The following LEF1 variants were observed in gnomAD, a reference collection of about 807,000 sequenced individuals.
The protein encoded by LEF1 is lymphoid enhancer binding factor 1.
In LEF1, 14 loss-of-function variants were observed where a neutral mutation model predicts 51.2. That is an observed-to-expected ratio of 0.27 (90% CI 0.18 to 0.43). LEF1 has a LOEUF of 0.43. Ranked by LOEUF, LEF1 falls within the 20% of genes least tolerant of loss-of-function variation. LEF1 has a pLI of 1.00. For missense variants in LEF1, 386 were observed against 512.0 expected (o/e 0.75, Z 2.37); for synonymous variants, 185 against 183.2 (o/e 1.01, Z -0.08).
At chr4:108,155,807 C>T (rs1168678035) in intron 3 of LEF1, among the ~76,000 whole-genome samples, 1 of 152,222 alleles carries the variant, frequency 6.6e-6, no homozygotes, top group Non-Finnish European at 1.5e-5. Flanking sequence ...AACATCTAGC[C>T]TAGTCCTTCC....
rs771653645 is a variant in LEF1, at chr4:108,097,910, G to A, written c.415-8653C>T. ...GGTAAACAAATCAATTAAAGTGAGT[G>A]AGAAGTCAGGAGCAAAAGCTTTCTC... On this transcript the variant is annotated intron_variant, in intron 3 of 11. Coordinates refer to ENST00000265165, the MANE Select transcript of LEF1 (RefSeq NM_016269.5). Among the ~76,000 whole-genome samples the A allele has an allele frequency of 3.9e-5, 6 of 152,130 alleles. No individual in the cohort carries two copies. In the East Asian group the frequency reaches 7.7e-4, roughly 20 times the overall value.
rs146486921 is a variant in LEF1, at chr4:108,134,592, G to A, written c.414+28976C>T. 1.2e-3 allele frequency among the ~76,000 whole-genome samples: 182 copies of A among 152,302 alleles called. 3 individuals carry two copies. The East Asian group carries it at 0.033, about 28-fold the overall frequency. On this transcript the variant is annotated intron_variant, in intron 3 of 11. Coordinates refer to ENST00000265165, the MANE Select transcript of LEF1 (RefSeq NM_016269.5). ...AAATACATCAAGACATACAGATGAA[G>A]GATTAAACTCTTATCAATGTGATTC...
chr4:108,096,188 G>T (rs755083905), intron 3 of LEF1, among the ~76,000 whole-genome samples: 1 of 152,088 alleles, frequency 6.6e-6, no homozygotes, highest in African/African-American at 2.4e-5. Context: ...TAGAGGGATG[G>T]GGCATAAGTA....
intron 11 of LEF1, among the ~76,000 whole-genome samples, chr4:108,057,977 G>T (rs899424435): frequency 4.0e-5 from 6 of 151,628 alleles, no homozygotes; most frequent in African/African-American, 1.5e-4. Context: ...AGGTTCAAGT[G>T]ATTCTCCGGC....
chr4:108,132,549 T>C (rs923069001), intron 3 of LEF1, among the ~76,000 whole-genome samples: 2 of 152,094 alleles, frequency 1.3e-5, no homozygotes, highest in Non-Finnish European at 2.9e-5. Flanking sequence ...TATTGTTTAC[T>C]GAACTAGCCT....
At chr4:108,153,000 G>A (rs546412819) in intron 3 of LEF1, among the ~76,000 whole-genome samples, 3 of 152,302 alleles carry the variant, frequency 2.0e-5, no homozygotes, top group Middle Eastern at 6.8e-3. Flanking sequence ...TAGTCTCACT[G>A]ACTGCAAGTC....
At chr4:108,095,553 G>A (rs1322171203) in intron 3 of LEF1, among the ~76,000 whole-genome samples, 1 of 152,140 alleles carries the variant, frequency 6.6e-6, no homozygotes, top group Admixed American at 6.5e-5. Context: ...GTGGCCTGCT[G>A]TGGCCTCAAC....
Position 108,078,214 on chromosome 4 carries a change from A to G in LEF1, c.1008+6T>C, listed in dbSNP as rs2126285422. 1.2e-6 allele frequency: 2 copies of G among 1,613,746 alleles called. No homozygotes were observed. The highest frequency in any genetic ancestry group is 2.2e-5 in the East Asian group (1 of 44,878). On this transcript the variant is annotated splice_donor_region_variant and intron_variant, in intron 8 of 11. Transcript: ENST00000265165. Reference sequence around the variant, plus strand: ...ATGAACATTTACACATGACTCGGCTACTTACCCTTCTGCCAAGAATCTGGT... The same window carrying G: ...ATGAACATTTACACATGACTCGGCTGCTTACCCTTCTGCCAAGAATCTGGT...
chr4:108,162,051 C>T (rs1745093222), intron 3 of LEF1, among the ~76,000 whole-genome samples: 1 of 152,140 alleles, frequency 6.6e-6, no homozygotes, highest in Non-Finnish European at 1.5e-5. Context: ...AAAACTCAAG[C>T]ATTTATTTGA....
chr4:108,086,146 C>A (rs1739630725), intron 4 of LEF1, among the ~76,000 whole-genome samples: 1 of 152,182 alleles, frequency 6.6e-6, no homozygotes, highest in Non-Finnish European at 1.5e-5. Flanking sequence ...AGGTCACTGT[C>A]CTTTAAAAAT....
chr4:108,051,235 C>T (rs1333520357), intron 11 of LEF1, among the ~76,000 whole-genome samples: 1 of 151,796 alleles, frequency 6.6e-6, no homozygotes, highest in Admixed American at 6.6e-5. Flanking sequence ...CAAAAAGCAA[C>T]TAATCCCTTT....
intron 3 of LEF1, among the ~76,000 whole-genome samples, chr4:108,159,236 T>C (rs1744918541): frequency 6.6e-6 from 1 of 152,148 alleles, no homozygotes; most frequent in Non-Finnish European, 1.5e-5. Flanking sequence ...ATTGTAGCAA[T>C]GCCATGAAGG....
chr4:108,168,115 C>G lies in LEF1; in HGVS notation c.-348G>C, dbSNP rs1321044918. The G allele has an allele frequency of 6.5e-6, 1 of 152,906 alleles. No individual in the cohort carries two copies. Among genetic ancestry groups the G allele is most frequent in the Non-Finnish European group, 1.5e-5 (1 of 68,536 alleles). The allele number at this position is 152,906 out of a possible 1,614,324, so 9.5% of individuals were successfully genotyped here. On this transcript the variant is annotated 5_prime_UTR_variant, in exon 1 of 12. Coordinates refer to ENST00000265165, the MANE Select transcript of LEF1 (RefSeq NM_016269.5). The surrounding 1 kb of genome is among the most constrained non-coding windows in gnomAD (Gnocchi z 4.6). ...GACGAGGCTGCCCCGGCGGCCACCC[C>G]GCGACCCCGCGTCGCCGGGATTTGC...
At chr4:108,107,075 TAA>T (rs1357883377) in intron 3 of LEF1, among the ~76,000 whole-genome samples, 1 of 152,136 alleles carries the variant, frequency 6.6e-6, no homozygotes, top group Non-Finnish European at 1.5e-5. Context: ...CCTCTTAAGA[TAA>T]AAAGACTCAT....
At chr4:108,075,923 TTC>T (rs1038422224) in intron 8 of LEF1, among the ~76,000 whole-genome samples, 132 of 152,366 alleles carry the variant, frequency 8.7e-4, no homozygotes, top group African/African-American at 2.9e-3. Context: ...ATATACATTC[TTC>T]CATGTAAAGC....
Position 108,167,545 on chromosome 4 carries a change from G to A in LEF1, c.213+10C>T, listed in dbSNP as rs1578418775. ...CACGCCTCTCGGAACTGGGGCAGCG[G>A]CCCGCTCACCTCGTGTCCGTTGCTG... is the stretch of plus-strand genomic sequence containing the variant. On this transcript the variant is annotated intron_variant, in intron 1 of 11. Transcript: ENST00000265165. The surrounding 1 kb of genome is among the most constrained non-coding windows in gnomAD (Gnocchi z 5.7). 1.9e-6 allele frequency: 3 copies of A among 1,613,446 alleles called. No individual in the cohort carries two copies. Among genetic ancestry groups the A allele is most frequent in the African/African-American group, 2.7e-5 (2 of 75,044 alleles).
chr4:108,081,140 G>A (rs545941632), intron 6 of LEF1, among the ~76,000 whole-genome samples: 2 of 152,084 alleles, frequency 1.3e-5, no homozygotes, highest in African/African-American at 4.8e-5. Context: ...AGACTATCTG[G>A]GCATTTTCAA....
At chr4:108,055,756 C>G (rs1468996599) in intron 11 of LEF1, among the ~76,000 whole-genome samples, 4 of 152,140 alleles carry the variant, frequency 2.6e-5, no homozygotes, top group African/African-American at 9.7e-5. Context: ...ATCAGTCTTG[C>G]TACCTGAGGG....
intron 11 of LEF1, among the ~76,000 whole-genome samples, chr4:108,061,653 A>C (rs941015854): frequency 6.6e-6 from 1 of 152,022 alleles, no homozygotes; most frequent in East Asian, 1.9e-4. Context: ...AAAAAAAAAA[A>C]AATTACAAGG....
Sources: allele counts gnomAD v4.1 joint callset (sites outside exome capture counted in the v4.1 genomes callset), GRCh38; gene constraint gnomAD v4.1.1; non-coding constraint Gnocchi (gnomAD v3.1); transcripts MANE v1.5; gene names NCBI Gene and HGNC (gene_info 2026-07-23, HGNC 2026-07-21).